The following RPH3AL variants were observed in gnomAD, a reference collection of about 807,000 sequenced individuals.
RPH3AL encodes the protein rabphilin 3A like (without C2 domains), also known as rab effector Noc2.
Under a neutral mutation model 43.1 loss-of-function variants are expected in RPH3AL, and 38 were observed. The ratio of observed to expected loss-of-function variants is 0.88; its 90% CI spans 0.68 to 1.15. The LOEUF (loss-of-function observed/expected upper bound fraction) is 1.15, where lower values mean the gene tolerates loss of function less well. Ranked by LOEUF, RPH3AL falls within the 50% of genes most tolerant of loss-of-function variation. The probability of loss-of-function intolerance (pLI) is 0.00; values close to 1 mark genes in which losing one functional copy is unlikely to be tolerated. For synonymous variants in RPH3AL, 189 were observed against 176.3 expected (o/e 1.07, Z -0.57); for missense variants, 462 against 423.2 (o/e 1.09, Z -0.81).
At chr17:321,632 G>A (rs1011528763) in intron 3 of RPH3AL, 4 of 514,106 alleles carry the variant, frequency 7.8e-6, no homozygotes, top group African/African-American at 4.0e-5. Context: ...GACGGCCCAG[G>A]TTCCGTGTGC....
intron 5 of RPH3AL, among the ~76,000 whole-genome samples, chr17:305,907 C>G (rs991138160): frequency 2.7e-5 from 4 of 150,774 alleles, no homozygotes; most frequent in African/African-American, 7.3e-5. Context: ...TTCAGTGGCA[C>G]AATCTTGACT....
At chr17:219,974 C>T (rs2040917714) in intron 7 of RPH3AL, among the ~76,000 whole-genome samples, 1 of 152,182 alleles carries the variant, frequency 6.6e-6, no homozygotes, top group Non-Finnish European at 1.5e-5. Context: ...GGCTGACCAG[C>T]AGAGAAGAGT....
chr17:293,886 G>C (rs558843368), intron 5 of RPH3AL, among the ~76,000 whole-genome samples: 1 of 152,024 alleles, frequency 6.6e-6, no homozygotes, highest in Non-Finnish European at 1.5e-5. Flanking sequence ...AAAATTAGCC[G>C]GGCGCGGTGG....
At chr17:321,542 C>T (rs576850283) in intron 3 of RPH3AL, 127 bp from the exon 4 acceptor site, 207 of 1,069,266 alleles carry the variant, frequency 1.9e-4, no homozygotes, top group Admixed American at 3.5e-4. Flanking sequence ...GCCGGGACGA[C>T]GAGCGCGGGC....
At position 225,645 on chromosome 17, in the gene RPH3AL, G is replaced by A. The variant is rs1460861183; in HGVS notation, c.614-5909C>T. On this transcript the variant is annotated intron_variant, in intron 7 of 9. Transcript: ENST00000331302. The surrounding 1 kb of genome is among the most constrained non-coding windows in gnomAD (Gnocchi z 4.4). ...GCAGGAGGACAGTCCTGCGGAGGGT[G>A]GGGTGGCTCGTCTGCACACCGGTTT... is the stretch of plus-strand genomic sequence containing the variant. Among the ~76,000 whole-genome samples the A allele has an allele frequency of 6.6e-6, 1 of 152,158 alleles. No homozygotes were observed. Among genetic ancestry groups the A allele is most frequent in the Non-Finnish European group, 1.5e-5 (1 of 68,030 alleles).
chr17:250,339 C>A (rs552667446), intron 6 of RPH3AL, among the ~76,000 whole-genome samples: 1 of 130,638 alleles, frequency 7.7e-6, no homozygotes, highest in African/African-American at 3.0e-5. Flanking sequence ...TCCGTCGCTG[C>A]GGGACCTCTC....
chr17:327,976 T>A (rs2151709608), intron 2 of RPH3AL, among the ~76,000 whole-genome samples: 1 of 152,230 alleles, frequency 6.6e-6, no homozygotes, highest in African/African-American at 2.4e-5. Flanking sequence ...CAGGAGGGGC[T>A]GGGCTGGGGG....
intron 6 of RPH3AL, among the ~76,000 whole-genome samples, chr17:265,448 T>C (rs985440198): frequency 6.6e-6 from 1 of 152,076 alleles, no homozygotes; most frequent in Non-Finnish European, 1.5e-5. Context: ...ATTCAAAAGT[T>C]ATATATATAT....
intron 5 of RPH3AL, among the ~76,000 whole-genome samples, chr17:286,075 G>A (rs138235399): frequency 7.0e-4 from 107 of 152,312 alleles, no homozygotes; most frequent in Non-Finnish European, 1.2e-3. Context: ...CTGCCCTGTG[G>A]GGGGGTTTGA....
intron 7 of RPH3AL, among the ~76,000 whole-genome samples, chr17:232,840 GTGTGT>G (rs1368987619): frequency 1.9e-4 from 6 of 30,940 alleles, no homozygotes; most frequent in Non-Finnish European, 3.0e-4. Flanking sequence ...GTGTGTGTGT[GTGTGT>G]GTGTGTGTGT....
intron 7 of RPH3AL, among the ~76,000 whole-genome samples, chr17:228,455 T>C (rs1396221407): frequency 1.3e-5 from 2 of 152,090 alleles, no homozygotes; most frequent in East Asian, 1.9e-4. Context: ...GCATCTGGCC[T>C]GTGGTAGGTG....
intron 6 of RPH3AL, among the ~76,000 whole-genome samples, chr17:257,282 A>C (rs371094900): frequency 1.1e-3 from 6 of 5,278 alleles, no homozygotes; most frequent in African/African-American, 3.8e-3. Context: ...GTCCTTTTCC[A>C]TCCCTAGGAA....
intron 7 of RPH3AL, among the ~76,000 whole-genome samples, chr17:226,455 G>A (rs529092306): frequency 6.6e-6 from 1 of 152,230 alleles, no homozygotes; most frequent in Non-Finnish European, 1.5e-5. Flanking sequence ...CTGGGGCTTA[G>A]AGGTCTTTGT....
intron 5 of RPH3AL, among the ~76,000 whole-genome samples, chr17:309,774 T>A (rs1187446548): frequency 6.6e-6 from 1 of 151,990 alleles, no homozygotes; most frequent in Non-Finnish European, 1.5e-5. Context: ...CCAGCCCCCC[T>A]GCCAGGGGTC....
chr17:332,661 C>T (rs114245453), intron 2 of RPH3AL: 14 of 229,626 alleles, frequency 6.1e-5, no homozygotes, highest in Admixed American at 3.9e-4. Flanking sequence ...CCAGGCTCTG[C>T]GACTTGCTGA....
At chr17:278,203 G>A (rs1033796365) in intron 6 of RPH3AL, among the ~76,000 whole-genome samples, 2 of 152,108 alleles carry the variant, frequency 1.3e-5, no homozygotes, top group Admixed American at 6.6e-5. Flanking sequence ...TGAGTCTCAC[G>A]AGATCTGATG....
At chr17:229,071 AT>A (rs1392710083) in intron 7 of RPH3AL, among the ~76,000 whole-genome samples, 3 of 152,236 alleles carry the variant, frequency 2.0e-5, no homozygotes, top group Admixed American at 6.5e-5. Flanking sequence ...TTTTTAAAAA[AT>A]TAGAATCTAA....
At chr17:243,771 A>ACCTTCCTCTATTGATTAC (rs2041659565) in intron 7 of RPH3AL, among the ~76,000 whole-genome samples, 1 of 136,528 alleles carries the variant, frequency 7.3e-6, no homozygotes, top group South Asian at 2.3e-4. Context: ...TCTATTGACT[A>ACCTTCCTCTATTGATTAC]CCTTCCTCTA....
At chr17:266,331 A>G (rs1380762391) in intron 6 of RPH3AL, among the ~76,000 whole-genome samples, 1 of 151,554 alleles carries the variant, frequency 6.6e-6, no homozygotes, top group Non-Finnish European at 1.5e-5. Flanking sequence ...CATGCTGGTG[A>G]GCCAGGGAGA....
Sources: allele counts gnomAD v4.1 joint callset (sites outside exome capture counted in the v4.1 genomes callset), GRCh38; gene constraint gnomAD v4.1.1; non-coding constraint Gnocchi (gnomAD v3.1); transcripts MANE v1.5; gene names NCBI Gene and HGNC (gene_info 2026-07-23, HGNC 2026-07-21).